The following PKNOX2 variants were observed in gnomAD, a reference collection of about 807,000 sequenced individuals.
The protein encoded by PKNOX2 is PBX/knotted 1 homeobox 2.
Under a neutral mutation model 53.1 loss-of-function variants are expected in PKNOX2, and 14 were observed. The ratio of observed to expected loss-of-function variants is 0.26; its 90% confidence interval spans 0.17 to 0.41. PKNOX2 has a LOEUF of 0.41. Among genes scored for constraint, PKNOX2 ranks in the 10% least tolerant of loss-of-function variants. The probability of loss-of-function intolerance (pLI) is 1.00; values close to 1 mark genes in which losing one functional copy is unlikely to be tolerated. For missense variants in PKNOX2, 496 were observed against 602.8 expected (o/e 0.82, Z 1.85); for synonymous variants, 257 against 242.8 (o/e 1.06, Z -0.54).
intron 4 of PKNOX2, among the ~76,000 whole-genome samples, chr11:125,354,776 T>A (rs891466280): frequency 1.3e-5 from 2 of 152,248 alleles, no homozygotes; most frequent in Non-Finnish European, 2.9e-5. Flanking sequence ...GAGGCTTTTT[T>A]TTCTTCCCAT....
intron 1 of PKNOX2, among the ~76,000 whole-genome samples, chr11:125,215,154 G>A (rs917740765): frequency 6.6e-6 from 1 of 152,052 alleles, no homozygotes; most frequent in Non-Finnish European, 1.5e-5. Context: ...GGAGGCTCTC[G>A]GATTGTCCAA....
At chr11:125,260,743 T>C (rs1051762740) in intron 2 of PKNOX2, among the ~76,000 whole-genome samples, 1 of 152,144 alleles carries the variant, frequency 6.6e-6, no homozygotes, top group Non-Finnish European at 1.5e-5. Context: ...CACCTCTCCA[T>C]GCACACACAC....
chr11:125,250,573 G>A (rs1297394541), intron 2 of PKNOX2, among the ~76,000 whole-genome samples: 1 of 152,196 alleles, frequency 6.6e-6, no homozygotes, highest in Non-Finnish European at 1.5e-5. Flanking sequence ...CGCTAGTCTG[G>A]AGGGATCACC....
intron 2 of PKNOX2, among the ~76,000 whole-genome samples, chr11:125,293,504 GTC>G (rs1210181740): frequency 3.3e-5 from 5 of 152,146 alleles, no homozygotes; most frequent in Non-Finnish European, 7.4e-5. Context: ...CCTTTTTCAA[GTC>G]TGTTTCCTTG....
chr11:125,233,709 A>G (rs1942427016), intron 1 of PKNOX2, among the ~76,000 whole-genome samples: 1 of 152,248 alleles, frequency 6.6e-6, no homozygotes, highest in South Asian at 2.1e-4. Flanking sequence ...ATCATGAACC[A>G]GAGAGAAAAT....
chr11:125,377,769 CA>C (rs1447873339), intron 5 of PKNOX2, among the ~76,000 whole-genome samples: 1 of 151,718 alleles, frequency 6.6e-6, no homozygotes, highest in African/African-American at 2.4e-5. Flanking sequence ...AACAAAACAA[CA>C]AAACAACAAC....
intron 2 of PKNOX2, among the ~76,000 whole-genome samples, chr11:125,251,781 T>C (rs1399699747): frequency 9.5e-6 from 1 of 104,916 alleles, no homozygotes; most frequent in Non-Finnish European, 2.2e-5. Flanking sequence ...TTATATATTA[T>C]ATAAATATAT....
chr11:125,168,619 C>T (rs1211889578), intron 1 of PKNOX2, among the ~76,000 whole-genome samples: 1 of 152,188 alleles, frequency 6.6e-6, no homozygotes, highest in Non-Finnish European at 1.5e-5. Flanking sequence ...CCATCTTCAA[C>T]CTGGGCTGTA....
intron 7 of PKNOX2, among the ~76,000 whole-genome samples, chr11:125,404,949 C>T (rs1309474780): frequency 6.6e-6 from 1 of 152,218 alleles, no homozygotes; most frequent in Non-Finnish European, 1.5e-5. Context: ...CATTCAGAAC[C>T]GACCCCCACC....
At chr11:125,387,532 C>T (rs113656024) in intron 6 of PKNOX2, among the ~76,000 whole-genome samples, 22 of 152,214 alleles carry the variant, frequency 1.4e-4, no homozygotes, top group Admixed American at 4.6e-4. Flanking sequence ...CTCTCCTGGC[C>T]AACATGAGGT....
intron 1 of PKNOX2, among the ~76,000 whole-genome samples, chr11:125,187,003 C>T (rs1389383317): frequency 3.3e-5 from 5 of 152,088 alleles, no homozygotes; most frequent in East Asian, 3.9e-4. Flanking sequence ...CCACCCTTGC[C>T]GAAGATCAAC....
chr11:125,364,642 A>T (rs1042767397), intron 4 of PKNOX2, among the ~76,000 whole-genome samples: 1 of 152,228 alleles, frequency 6.6e-6, no homozygotes, highest in African/African-American at 2.4e-5. Flanking sequence ...AGCTGTGCAG[A>T]TGTAGCTATG....
At chr11:125,427,671 C>T (rs1385457810) in intron 10 of PKNOX2, among the ~76,000 whole-genome samples, 2 of 152,148 alleles carry the variant, frequency 1.3e-5, no homozygotes, top group Admixed American at 6.5e-5. Context: ...CCTCCCATCT[C>T]GGGGACCTTA....
intron 5 of PKNOX2, among the ~76,000 whole-genome samples, chr11:125,380,169 C>T (rs892027274): frequency 4.6e-5 from 7 of 152,188 alleles, no homozygotes; most frequent in African/African-American, 7.2e-5. Context: ...CAGGCGGAGG[C>T]GCAGAGCTGA....
chr11:125,290,284 C>T (rs895926908), intron 2 of PKNOX2, among the ~76,000 whole-genome samples: 6 of 152,210 alleles, frequency 3.9e-5, no homozygotes, highest in Non-Finnish European at 5.9e-5. Flanking sequence ...ACTGGTGGAG[C>T]GGAGCCGGCC....
rs140420601 is a variant in PKNOX2 at position 125,401,889 on chromosome 11, T to A, written c.588+3827T>A. 5.2e-3 allele frequency among the ~76,000 whole-genome samples: 791 copies of A among 152,074 alleles called. 6 individuals are homozygous for A. The highest frequency in any genetic ancestry group is 0.017 in the African/African-American group (703 of 41,476). On this transcript the variant is annotated intron_variant, in intron 7 of 12. Transcript: ENST00000298282. ...CACCAGCCTGGCCTGGGGAGGGGTG[T>A]CTCCCCTCTGGAACATGATCCTCTG...
chr11:125,318,700 T>A (rs998403613), intron 2 of PKNOX2, among the ~76,000 whole-genome samples: 2 of 152,210 alleles, frequency 1.3e-5, no homozygotes, highest in African/African-American at 4.8e-5. Flanking sequence ...TTGCCCTATC[T>A]CAATGATATG....
chr11:125,256,451 C>T (rs1944405855), intron 2 of PKNOX2, among the ~76,000 whole-genome samples: 1 of 152,164 alleles, frequency 6.6e-6, no homozygotes, highest in Non-Finnish European at 1.5e-5. Context: ...CAGGTGAAAA[C>T]CAGGAAGAAG....
Position 125,242,005 on chromosome 11 carries a change from G to A in PKNOX2, c.-130+6890G>A, listed in dbSNP as rs532928476. 3.3e-5 allele frequency among the ~76,000 whole-genome samples: 5 copies of A among 152,230 alleles called. No individual in the cohort carries two copies. In the South Asian group the frequency reaches 1.0e-3, roughly 32 times the overall value. On this transcript the variant is annotated intron_variant, in intron 2 of 12. Transcript: ENST00000298282. ...CCAGGATGGATGGTGAAGGTGGAGGGGGATGGCGGCGGGGAGCAGGAGACT... is the reference window on the plus strand; with the variant it reads ...CCAGGATGGATGGTGAAGGTGGAGGAGGATGGCGGCGGGGAGCAGGAGACT...
Sources: gnomAD v4.1 joint callset for allele counts (sites outside exome capture counted in the v4.1 genomes callset) on GRCh38, gnomAD v4.1.1 for gene constraint, MANE v1.5 for transcripts, NCBI Gene and HGNC (gene_info 2026-07-23, HGNC 2026-07-21) for gene names.